Variants in ALMS1 observed in about 807,000 individuals in gnomAD.
ALMS1 encodes ALMS1 centrosome and basal body associated protein.
ALMS1 carries 271 observed loss-of-function variants against 352.2 expected under a neutral mutation model. That is an observed-to-expected ratio of 0.77 (90% CI 0.70 to 0.85). ALMS1 has a LOEUF of 0.85. Ranked by LOEUF, ALMS1 falls within the 40% of genes least tolerant of loss-of-function variation. The pLI is 0.00. For synonymous variants in ALMS1, 1,865 were observed against 1,761.2 expected, an observed-to-expected ratio of 1.06 and a Z score of -1.48; for missense variants, 5,445 against 4,870.7, an observed-to-expected ratio of 1.12 and a Z score of -3.51.
chr2:73,538,829 G>C (rs1038893794), intron 12 of ALMS1, among the ~76,000 whole-genome samples: 3 of 152,198 alleles, frequency 2.0e-5, no homozygotes, highest in Admixed American at 1.3e-4. Flanking sequence ...CGGCAGCGAG[G>C]CTGGGGGATG....
At chr2:73,437,264 G>T (rs1671622130) in intron 7 of ALMS1, among the ~76,000 whole-genome samples, 1 of 152,148 alleles carries the variant, frequency 6.6e-6, no homozygotes, top group African/African-American at 2.4e-5. Flanking sequence ...CAGGTTCATT[G>T]GTCTACTTCT....
chr2:73,501,504 T>C (rs1057285877), intron 10 of ALMS1, among the ~76,000 whole-genome samples: 7 of 152,246 alleles, frequency 4.6e-5, no homozygotes, highest in Middle Eastern at 3.4e-3. Context: ...AGTTATGCAG[T>C]TGAGGATCAT....
Position 73,490,019 on chromosome 2 carries a change from C to T in ALMS1, c.8060C>T (p.Ala2687Val). 1 of 1,614,230 alleles carries T rather than the reference C, an allele frequency of 6.2e-7. No homozygotes were observed. Among genetic ancestry groups the T allele is most frequent in the Non-Finnish European group, 8.5e-7 (1 of 1,180,048 alleles). ...TGGCTGTCAGAATTAGTAGAACCTG[C>T]TTTTGTGCCACCTAAAGAAGTGGAT... is the stretch of plus-strand genomic sequence containing the variant. Reference protein sequence around the residue: ...DPWLSELVEPAFVPPKEVDFH... With the variant: ...DPWLSELVEPVFVPPKEVDFH... The change falls in exon 10 of 23, where the codon GCT (alanine) becomes GTT (valine). Residue 2687 changes from alanine (A) to valine (V), a missense_variant. Physicochemically the swap from Ala to Val is moderately conservative, Grantham distance 64. Transcript: ENST00000613296.
rs559842658 is a variant in ALMS1 at position 73,517,009 on chromosome 2, A to C, written c.9540-2766A>C. On this transcript the variant is annotated intron_variant, in intron 10 of 22. Transcript: ENST00000613296. ...TCTTATAGTGCCATGAGTATGAATG[A>C]GATTTCAGTCTATTACTCTGACTCA... Among the ~76,000 whole-genome samples, 3 of 152,186 alleles carry C rather than the reference A, an allele frequency of 2.0e-5. No homozygotes were observed. The East Asian group carries it at 5.8e-4, about 29-fold the overall frequency.
intron 7 of ALMS1, among the ~76,000 whole-genome samples, chr2:73,439,047 C>T (rs1416245507): frequency 6.7e-6 from 1 of 150,094 alleles, no homozygotes; most frequent in African/African-American, 2.4e-5. Context: ...TCTTCTTCTT[C>T]TTCCTCCTGC....
intron 1 of ALMS1, among the ~76,000 whole-genome samples, chr2:73,402,879 G>A (rs1378823132): frequency 6.6e-6 from 1 of 152,010 alleles, no homozygotes; most frequent in Non-Finnish European, 1.5e-5. Flanking sequence ...CTAAAATTAG[G>A]TTGTTTGTTT....
chr2:73,416,211 T>G (rs1043078011), intron 2 of ALMS1, among the ~76,000 whole-genome samples: 19 of 152,110 alleles, frequency 1.2e-4, no homozygotes, highest in African/African-American at 4.6e-4. Flanking sequence ...TAGAAAGGAG[T>G]GCCCTCTAAA....
intron 9 of ALMS1, among the ~76,000 whole-genome samples, chr2:73,486,452 G>A (rs1036781752): frequency 6.6e-6 from 1 of 152,170 alleles, no homozygotes; most frequent in Non-Finnish European, 1.5e-5. Context: ...GAGTAGAATG[G>A]TTATTATTTA....
chr2:73,506,045 G>A (rs959226682), intron 10 of ALMS1, among the ~76,000 whole-genome samples: 1 of 152,166 alleles, frequency 6.6e-6, no homozygotes, highest in Non-Finnish European at 1.5e-5. Context: ...TTATTAAATA[G>A]GGAATCCTTT....
chr2:73,513,241 C>T (rs1257770587), intron 10 of ALMS1, among the ~76,000 whole-genome samples: 2 of 152,004 alleles, frequency 1.3e-5, no homozygotes, highest in East Asian at 3.9e-4. Flanking sequence ...ACATGTATAG[C>T]ACCCCTCCCT....
At chr2:73,423,974 T>C (rs894632574) in intron 4 of ALMS1, among the ~76,000 whole-genome samples, 4 of 152,052 alleles carry the variant, frequency 2.6e-5, no homozygotes, top group Non-Finnish European at 2.9e-5. Context: ...GATAGGGTCT[T>C]GCCGTATTGC....
At chr2:73,466,270 G>A (rs1033357196) in intron 9 of ALMS1, among the ~76,000 whole-genome samples, 2 of 152,082 alleles carry the variant, frequency 1.3e-5, no homozygotes, top group African/African-American at 2.4e-5. Context: ...TTAAGAAAAT[G>A]TGGCACATAT....
intron 16 of ALMS1, among the ~76,000 whole-genome samples, chr2:73,596,860 C>CTTTTTTTTTTTTTTTT (rs70965740): frequency 3.1e-4 from 32 of 104,240 alleles, no homozygotes; most frequent in Non-Finnish European, 3.8e-4. Flanking sequence ...CCCTCTACCT[C>CTTTTTTTTTTTTTTTT]TTTTTTTTTT....
chr2:73,429,351 A>G (rs1382232598), intron 6 of ALMS1, among the ~76,000 whole-genome samples: 1 of 143,030 alleles, frequency 7.0e-6, no homozygotes, highest in African/African-American at 2.6e-5. Context: ...GCACAATCTC[A>G]GCTCACTGCA....
chr2:73,417,141 G>T (rs1329732214), intron 2 of ALMS1, among the ~76,000 whole-genome samples: 2 of 151,822 alleles, frequency 1.3e-5, no homozygotes, highest in African/African-American at 4.8e-5. Flanking sequence ...GTGGTAAAGA[G>T]AAAAACAAGT....
At position 73,566,101 on chromosome 2, in the gene ALMS1, A is replaced by G. The variant is rs946351670; in HGVS notation, c.10385-6161A>G. On this transcript the variant is annotated intron_variant, in intron 15 of 22. Transcript: ENST00000613296. ...GGAAACTGGGTATGGGGTATAGGTAATCATCTGTACTGTTGTCACCGTTTT... is the reference window on the plus strand; with the variant it reads ...GGAAACTGGGTATGGGGTATAGGTAGTCATCTGTACTGTTGTCACCGTTTT... 2.6e-5 allele frequency among the ~76,000 whole-genome samples: 4 copies of G among 152,304 alleles called. No individual in the cohort carries two copies. In the East Asian group the frequency reaches 5.8e-4, roughly 22 times the overall value.
At chr2:73,482,427 C>T (rs1291477985) in intron 9 of ALMS1, among the ~76,000 whole-genome samples, 2 of 147,732 alleles carry the variant, frequency 1.4e-5, no homozygotes, top group African/African-American at 4.9e-5. Context: ...AGGGATGAAG[C>T]CCACTTGATC....
chr2:73,467,530 TA>T (rs1184565195), intron 9 of ALMS1, among the ~76,000 whole-genome samples: 1 of 152,096 alleles, frequency 6.6e-6, no homozygotes, highest in Admixed American at 6.6e-5. Flanking sequence ...ACACAACTCT[TA>T]AAATAATTTA....
Position 73,534,848 on chromosome 2 carries a change from A to C in ALMS1, c.9806A>C (p.Lys3269Thr), listed in dbSNP as rs1278349380. The C allele has an allele frequency of 5.0e-6, 8 of 1,613,574 alleles. No individual in the cohort carries two copies. Among genetic ancestry groups the C allele is most frequent in the Non-Finnish European group, 6.8e-6 (8 of 1,179,688 alleles). ...GGCCAGCCTTTATTATTGCCATATA[A>C]GCCTTCTGGTAGTACCAAGATGTAT... ...TDGQPLLLPY[K>T]PSGSTKMYYV... Residue 3269 changes from lysine (K) to threonine (T), a missense_variant, in exon 12 of 23, where the codon AAG becomes ACG. Physicochemically the swap from Lys to Thr is moderately conservative, Grantham distance 78. Transcript: ENST00000613296.
Sources: allele counts gnomAD v4.1 joint callset (sites outside exome capture counted in the v4.1 genomes callset), GRCh38; gene constraint gnomAD v4.1.1; transcripts MANE v1.5; gene names NCBI Gene and HGNC (gene_info 2026-07-23, HGNC 2026-07-21).